EPAS1: variants seen among roughly 807,000 people sequenced by gnomAD.
The protein encoded by EPAS1 is endothelial PAS domain protein 1, also known as endothelial PAS domain-containing protein 1.
In EPAS1, 23 loss-of-function variants were observed where a neutral mutation model predicts 87.9. That is an observed-to-expected ratio of 0.26 (90% CI 0.19 to 0.37). The LOEUF (loss-of-function observed/expected upper bound fraction) is 0.37, where lower values mean the gene tolerates loss of function less well. Ranked by LOEUF, EPAS1 falls within the 10% of genes least tolerant of loss-of-function variation. EPAS1 has a pLI of 1.00. For missense variants in EPAS1, 1,138 were observed against 1,120.7 expected, an observed-to-expected ratio of 1.02 and a Z score of -0.22; for synonymous variants, 508 against 444.3, an observed-to-expected ratio of 1.14 and a Z score of -1.80.
At chr2:46,345,139 A>G (rs1683998079) in intron 1 of EPAS1, among the ~76,000 whole-genome samples, 1 of 152,046 alleles carries the variant, frequency 6.6e-6, no homozygotes, top group Admixed American at 6.6e-5. Context: ...ATGCTTTTTT[A>G]TTTTATCTTA....
intron 6 of EPAS1, among the ~76,000 whole-genome samples, chr2:46,366,440 C>A (rs897350275): frequency 1.3e-5 from 2 of 152,216 alleles, no homozygotes; most frequent in Non-Finnish European, 2.9e-5. Context: ...TAACAACCCC[C>A]TTTAAAGCTG....
rs1684366279 is a variant in EPAS1, at chr2:46,360,648, T to G, written c.465T>G (p.Phe155Leu). 1.2e-6 allele frequency: 2 copies of G among 1,613,818 alleles called. No individual in the cohort carries two copies. Among genetic ancestry groups the G allele is most frequent in the African/African-American group, 2.7e-5 (2 of 74,912 alleles). Residue 155 changes from phenylalanine to leucine, a missense_variant, in exon 5 of 16, where the codon TTT (phenylalanine) becomes TTG (leucine). By Grantham distance (22) the Phe-to-Leu change is conservative. This residue lies in a region of EPAS1 where 351 missense variants were observed against 417.1 expected (regional missense o/e 0.84). Transcript: ENST00000263734. The surrounding 1 kb of genome is among the most constrained non-coding windows in gnomAD (Gnocchi z 4.5). ...TCCTTCCACATCCAGGCTCTGGTTT[T>G]GGGAAAAAAAGCAAAGACATGTCCA... is the stretch of plus-strand genomic sequence containing the variant. ...ENLSLKNGSG[F>L]GKKSKDMSTE...
At position 46,386,271 on chromosome 2, in the gene EPAS1, A is replaced by G. The variant is rs571546536; in HGVS notation, c.*1611A>G. On this transcript the variant is annotated 3_prime_UTR_variant, in exon 16 of 16. Transcript: ENST00000263734. ...GAAGAAGTTTCTAAAAACACACACA[A>G]AGCACATTGGGCCAACTATTTAGTA... The G allele has an allele frequency of 2.6e-5, 4 of 152,728 alleles. No individual in the cohort carries two copies. In the South Asian group the frequency reaches 8.3e-4, roughly 32 times the overall value. The allele number at this position is 152,728 out of a possible 1,614,324, so 9.5% of individuals were successfully genotyped here. A position where few individuals can be genotyped will look rare whatever the true frequency, so the allele number is the denominator to read the frequency against.
chr2:46,318,850 T>A (rs1683397657), intron 1 of EPAS1, among the ~76,000 whole-genome samples: 1 of 152,238 alleles, frequency 6.6e-6, no homozygotes, highest in Non-Finnish European at 1.5e-5. Flanking sequence ...TATTGTGAAA[T>A]GCATTTTCTA....
At chr2:46,362,622 C>A (rs1684416259) in intron 6 of EPAS1, among the ~76,000 whole-genome samples, 2 of 152,192 alleles carry the variant, frequency 1.3e-5, no homozygotes, top group Non-Finnish European at 2.9e-5. Flanking sequence ...AGCTGGACAT[C>A]CCAAGGGCAT....
At chr2:46,378,182 T>C (rs1684801017) in intron 10 of EPAS1, 95 bp downstream of exon 10, 4 of 1,516,128 alleles carry the variant, frequency 2.6e-6, no homozygotes, top group Non-Finnish European at 1.8e-6. Flanking sequence ...GGTACTGTCC[T>C]TCTCAGGTTA....
chr2:46,333,370 C>T (rs549642098), intron 1 of EPAS1, among the ~76,000 whole-genome samples: 4 of 152,248 alleles, frequency 2.6e-5, no homozygotes, highest in Admixed American at 2.0e-4. Context: ...AACAAGGTGA[C>T]GGTGCCTTGC....
intron 1 of EPAS1, among the ~76,000 whole-genome samples, chr2:46,343,130 C>A (rs1410329794): frequency 6.6e-6 from 1 of 152,192 alleles, no homozygotes; most frequent in Non-Finnish European, 1.5e-5. Context: ...CATTCCCCCA[C>A]CCTCCCAGCA....
At chr2:46,372,394 T>G (rs756054500) in intron 7 of EPAS1, among the ~76,000 whole-genome samples, 14 of 152,226 alleles carry the variant, frequency 9.2e-5, no homozygotes, top group Non-Finnish European at 1.8e-4. Flanking sequence ...AGGCTCAGGT[T>G]TGAGACAGGT....
intron 1 of EPAS1, among the ~76,000 whole-genome samples, chr2:46,317,321 T>C (rs904691536): frequency 3.3e-5 from 5 of 152,228 alleles, no homozygotes; most frequent in Admixed American, 2.6e-4. Context: ...ATGGCAGCTA[T>C]AGCCTTACAA....
intron 6 of EPAS1, among the ~76,000 whole-genome samples, chr2:46,368,877 T>C (rs1432378788): frequency 6.6e-6 from 1 of 152,192 alleles, no homozygotes; most frequent in Non-Finnish European, 1.5e-5. Flanking sequence ...GGATAGGACA[T>C]GATATTGGGT....
intron 4 of EPAS1, among the ~76,000 whole-genome samples, chr2:46,359,582 C>T (rs1407434854): frequency 6.6e-6 from 1 of 152,156 alleles, no homozygotes; most frequent in East Asian, 1.9e-4. Context: ...TGAGTGGGGT[C>T]CCCTAAGGAT....
At chr2:46,344,114 A>G (rs1021176896) in intron 1 of EPAS1, among the ~76,000 whole-genome samples, 11 of 152,268 alleles carry the variant, frequency 7.2e-5, no homozygotes, top group African/African-American at 2.7e-4. Flanking sequence ...CTGTGTAAAC[A>G]ATACCTACTT....
At chr2:46,311,523 G>A (rs569022478) in intron 1 of EPAS1, among the ~76,000 whole-genome samples, 1 of 152,140 alleles carries the variant, frequency 6.6e-6, no homozygotes, top group Non-Finnish European at 1.5e-5. Context: ...TCTTGCCATG[G>A]CTAGAAATTT....
intron 1 of EPAS1, among the ~76,000 whole-genome samples, chr2:46,334,120 C>G (rs946090567): frequency 3.9e-5 from 6 of 152,102 alleles, no homozygotes; most frequent in African/African-American, 1.4e-4. Context: ...GGCTTTGGTG[C>G]CAAGAAAAGA....
chr2:46,301,578 GAA>G (rs3053642), intron 1 of EPAS1, among the ~76,000 whole-genome samples: 58,888 of 124,074 alleles, frequency 0.47, 13,516 homozygotes, highest in Middle Eastern at 0.62. Flanking sequence ...CCGTCTCAAA[GAA>G]AAAAAAAAAA....
chr2:46,368,184 T>C (rs1353265824), intron 6 of EPAS1, among the ~76,000 whole-genome samples: 2 of 152,106 alleles, frequency 1.3e-5, no homozygotes, highest in African/African-American at 4.8e-5. Context: ...TTCTGTAATA[T>C]TGTGCATACT....
Position 46,360,477 on chromosome 2 carries a change from A to T in EPAS1, c.455-161A>T, listed in dbSNP as rs115843752. On this transcript the variant is annotated intron_variant, in intron 4 of 15. Coordinates refer to ENST00000263734, the MANE Select transcript of EPAS1 (RefSeq NM_001430.5). This position sits in a 1 kb window ranked among gnomAD's most constrained non-coding sequence, Gnocchi z 4.5. ...AGTGGGAACCATTAGTTCACAGGCC[A>T]TGATGGAGCTCAGTGTTGATGGCAG... 3.7e-3 allele frequency among the ~76,000 whole-genome samples: 566 copies of T among 152,368 alleles called. No homozygotes were observed. The highest frequency in any genetic ancestry group is 0.013 in the African/African-American group (553 of 41,592).
At chr2:46,327,389 G>GAGAA (rs139800490) in intron 1 of EPAS1, among the ~76,000 whole-genome samples, 8,292 of 152,156 alleles carry the variant, frequency 0.054, 736 homozygotes, top group African/African-American at 0.19. Context: ...TATGGGCAGT[G>GAGAA]AGAACATAGG....
Sources: allele counts gnomAD v4.1 joint callset (sites outside exome capture counted in the v4.1 genomes callset), GRCh38; gene constraint gnomAD v4.1.1; regional missense constraint gnomAD v4.1.1; non-coding constraint Gnocchi (gnomAD v3.1); transcripts MANE v1.5; gene names NCBI Gene and HGNC (gene_info 2026-07-23, HGNC 2026-07-21).